Variants in NSRP1 observed in about 807,000 individuals in gnomAD.
The protein encoded by NSRP1 is nuclear speckle splicing regulatory protein 1, also known as coiled-coil domain containing 55.
Under a neutral mutation model 54.7 loss-of-function variants are expected in NSRP1, and 24 were observed. The ratio of observed to expected loss-of-function variants is 0.44; its 90% CI spans 0.32 to 0.62. The LOEUF is 0.62. NSRP1 is among the 20% of genes least tolerant of loss of function. The pLI is 0.06. For missense variants in NSRP1, 596 were observed against 651.2 expected (o/e 0.92, Z 0.92); for synonymous variants, 210 against 213.8 (o/e 0.98, Z 0.15).
intron 2 of NSRP1, among the ~76,000 whole-genome samples, chr17:30,133,688 T>A (rs2071722956): frequency 6.6e-6 from 1 of 152,240 alleles, no homozygotes. Context: ...TTGTCTACAT[T>A]GAGAATCTGT....
chr17:30,162,182 G>T (rs967316035), intron 2 of NSRP1, among the ~76,000 whole-genome samples: 1 of 151,956 alleles, frequency 6.6e-6, no homozygotes, highest in Non-Finnish European at 1.5e-5. Context: ...GTGCCACCAT[G>T]CCCGGCTAAT....
chr17:30,176,742 G>A (rs1158305914), intron 3 of NSRP1, among the ~76,000 whole-genome samples: 2 of 151,968 alleles, frequency 1.3e-5, no homozygotes, highest in Admixed American at 6.6e-5. Context: ...GTGAGCAGGA[G>A]TGCCAATTCA....
At chr17:30,171,976 CCTCTCTCTCTCTCTCT>C (rs58666089) in intron 2 of NSRP1, among the ~76,000 whole-genome samples, 14 of 80,350 alleles carry the variant, frequency 1.7e-4, no homozygotes, top group Non-Finnish European at 2.3e-4. Flanking sequence ...ACACACACTC[CCTCTCTCTCTCTCTCT>C]CTCTCTCTCT....
At chr17:30,120,719 C>T (rs2071589525) in intron 2 of NSRP1, among the ~76,000 whole-genome samples, 1 of 152,080 alleles carries the variant, frequency 6.6e-6, no homozygotes. Flanking sequence ...ATTATTATTC[C>T]CATTTTACAG....
intron 2 of NSRP1, among the ~76,000 whole-genome samples, chr17:30,146,187 T>C (rs2143002658): frequency 1.3e-5 from 2 of 152,280 alleles, no homozygotes. Context: ...TTAGTATATC[T>C]AGTTGAGTGA....
At chr17:30,173,144 A>G (rs562666338) in intron 3 of NSRP1, among the ~76,000 whole-genome samples, 1 of 152,170 alleles carries the variant, frequency 6.6e-6, no homozygotes, top group Non-Finnish European at 1.5e-5. Flanking sequence ...TTATATTTTT[A>G]GTAGAGACGG....
chr17:30,158,180 A>C (rs980922831), intron 2 of NSRP1, among the ~76,000 whole-genome samples: 1 of 152,030 alleles, frequency 6.6e-6, no homozygotes, highest in African/African-American at 2.4e-5. Context: ...GGGGTAAGAT[A>C]TCTTATTATG....
At chr17:30,158,101 T>C (rs538167669) in intron 2 of NSRP1, among the ~76,000 whole-genome samples, 1 of 152,324 alleles carries the variant, frequency 6.6e-6, no homozygotes, top group East Asian at 1.9e-4. Context: ...CCACCAGCAG[T>C]GTATAAGAGT....
At chr17:30,177,548 T>C (rs189925516) in intron 3 of NSRP1, among the ~76,000 whole-genome samples, 21 of 152,122 alleles carry the variant, frequency 1.4e-4, no homozygotes, top group African/African-American at 4.3e-4. Context: ...AAAACATCAT[T>C]TGAGATGGAA....
chr17:30,154,539 CCT>C (rs1475924943), intron 2 of NSRP1: 1 of 151,550 alleles, frequency 6.6e-6, no homozygotes, highest in African/African-American at 2.4e-5. Flanking sequence ...ACAGTGATAC[CCT>C]GTCTCTACAA....
At chr17:30,120,715 A>G (rs1389449475) in intron 2 of NSRP1, among the ~76,000 whole-genome samples, 1 of 152,226 alleles carries the variant, frequency 6.6e-6, no homozygotes, top group Non-Finnish European at 1.5e-5. Flanking sequence ...ATGTATTATT[A>G]TTCCCATTTT....
At chr17:30,168,530 T>C (rs1904815408) in intron 2 of NSRP1, among the ~76,000 whole-genome samples, 1 of 150,462 alleles carries the variant, frequency 6.6e-6, no homozygotes, top group South Asian at 2.1e-4. Flanking sequence ...ATTATGGTTA[T>C]CTGAAAACAA....
chr17:30,122,349 T>TGTGTGTGTGTGTGTATA (rs1481107161), intron 2 of NSRP1: 1 of 72,302 alleles, frequency 1.4e-5, no homozygotes. Context: ...ATAACTCTGG[T>TGTGTGTGTGTGTGTATA]TTCATATATA....
At chr17:30,157,818 C>A (rs934365696) in intron 2 of NSRP1, among the ~76,000 whole-genome samples, 4 of 152,166 alleles carry the variant, frequency 2.6e-5, no homozygotes, top group Non-Finnish European at 5.9e-5. Flanking sequence ...CCATTTCTAT[C>A]CATGTTGCTG....
At position 30,185,370 on chromosome 17, in the gene NSRP1, C is replaced by A. The variant is rs369195228; in HGVS notation, c.1373C>A (p.Pro458Gln). 6.2e-6 allele frequency: 10 copies of A among 1,612,456 alleles called. No individual in the cohort carries two copies. Among genetic ancestry groups the A allele is most frequent in the Non-Finnish European group, 7.6e-6 (9 of 1,179,644 alleles). The change falls in exon 7 of 7, where the codon CCA becomes CAA. Residue 458 changes from proline to glutamine, a missense_variant. Pro to Gln is a moderately conservative substitution (Grantham distance 76). Transcript: ENST00000247026. ...ERNQDRKESS[P>Q]NSRAKDKFLD... ...AATCAAGACAGAAAGGAAAGCAGCC[C>A]AAATTCTAGGGCAAAGGATAAATTT...
At chr17:30,136,778 C>G (rs1567793089) in intron 2 of NSRP1, among the ~76,000 whole-genome samples, 2 of 151,996 alleles carry the variant, frequency 1.3e-5, no homozygotes, top group African/African-American at 4.8e-5. Flanking sequence ...ACTTAATATC[C>G]CATATGATTG....
At chr17:30,126,366 A>G (rs1051636932) in intron 2 of NSRP1, among the ~76,000 whole-genome samples, 2 of 152,088 alleles carry the variant, frequency 1.3e-5, no homozygotes, top group Non-Finnish European at 2.9e-5. Flanking sequence ...TAATGTCCAA[A>G]TTATAGCCAT....
At chr17:30,158,378 A>G (rs1389882685) in intron 2 of NSRP1, among the ~76,000 whole-genome samples, 1 of 149,398 alleles carries the variant, frequency 6.7e-6, no homozygotes, top group East Asian at 2.0e-4. Context: ...CACTTGTCAG[A>G]TGAATATTTT....
intron 2 of NSRP1, among the ~76,000 whole-genome samples, chr17:30,152,834 T>C (rs549544933): frequency 6.6e-6 from 1 of 152,130 alleles, no homozygotes; most frequent in African/African-American, 2.4e-5. Flanking sequence ...TTTTTCTGAT[T>C]TTATAATTAC....
Sources: gnomAD v4.1 joint callset for allele counts (sites outside exome capture counted in the v4.1 genomes callset) on GRCh38, gnomAD v4.1.1 for gene constraint, MANE v1.5 for transcripts, NCBI Gene and HGNC (gene_info 2026-07-23, HGNC 2026-07-21) for gene names.